SS18: variants seen among roughly 807,000 people sequenced by gnomAD.
SS18 encodes the protein protein SSXT.
In SS18, 28 loss-of-function variants were observed where a neutral mutation model predicts 72.5. The ratio of observed to expected loss-of-function variants is 0.39; its 90% CI spans 0.29 to 0.53. SS18 has a LOEUF of 0.53. SS18 is among the 20% of genes least tolerant of loss of function. SS18 has a pLI of 0.76. For synonymous variants in SS18, 172 were observed against 164.2 expected (o/e 1.05, Z -0.37); for missense variants, 518 against 535.3 (o/e 0.97, Z 0.32).
intron 5 of SS18, among the ~76,000 whole-genome samples, chr18:26,048,694 G>A (rs2053872086): frequency 6.6e-6 from 1 of 152,106 alleles, no homozygotes; most frequent in Non-Finnish European, 1.5e-5. Context: ...TCAAGCCTCT[G>A]GGTCAGTCTA....
chr18:26,016,646 C>G lies in SS18; in HGVS notation c.*1708G>C, dbSNP rs1303544101. On this transcript the variant is annotated 3_prime_UTR_variant, in exon 11 of 11. Coordinates refer to ENST00000415083, the MANE Select transcript of SS18 (RefSeq NM_001007559.3). The stretch of plus-strand genomic sequence containing the variant: ...GCTGAGGCAGGAGAACTGCTTGAAC[C>G]TGGGAGGCGGAGGTTGCAGTGAGCT... 1 of 187,486 alleles carries G rather than the reference C, an allele frequency of 5.3e-6. No homozygotes were observed. The highest frequency in any genetic ancestry group is 2.3e-5 in the African/African-American group (1 of 42,708). The allele number at this position is 187,486 out of a possible 1,614,324, so 11.6% of individuals were successfully genotyped here.
intron 4 of SS18, 114 bp downstream of exon 4, chr18:26,057,475 C>T (rs2054041656): frequency 2.5e-6 from 3 of 1,221,528 alleles, no homozygotes; most frequent in African/African-American, 1.5e-5. Flanking sequence ...AGAGCTTGTA[C>T]TCGGGGGCAT....
intron 4 of SS18, among the ~76,000 whole-genome samples, chr18:26,056,626 AC>A (rs34934089): frequency 0.055 from 8,403 of 152,264 alleles, 268 homozygotes; most frequent in East Asian, 0.13. Context: ...ATCCTTGGAC[AC>A]CAATGCTATC....
In SS18 at chr18:26,078,069, T is replaced by TA; in HGVS notation, c.231+6dup. The TA allele has an allele frequency of 6.3e-7, 1 of 1,596,062 alleles. No homozygotes were observed. ...TGTCTACTTCACATGATTTTAAAGA[T>TA]ACTTACTGCTGGTAAAAGAGACTGC... On this transcript the variant is annotated splice_region_variant and intron_variant, in intron 3 of 10. Coordinates refer to ENST00000415083, the MANE Select transcript of SS18 (RefSeq NM_001007559.3).
chr18:26,041,161 A>G (rs2143899241), intron 5 of SS18, among the ~76,000 whole-genome samples: 1 of 152,294 alleles, frequency 6.6e-6, no homozygotes, highest in Non-Finnish European at 1.5e-5. Flanking sequence ...GGTGGCTCAC[A>G]CCTGTAATCC....
chr18:26,033,751 G>C (rs2053583275), intron 9 of SS18, among the ~76,000 whole-genome samples: 1 of 151,844 alleles, frequency 6.6e-6, no homozygotes, highest in Non-Finnish European at 1.5e-5. Flanking sequence ...AAACAAAATA[G>C]AAATTTCTCT....
At chr18:26,038,460 A>T (rs1287927481) in intron 7 of SS18, 95 bp downstream of exon 7, 2 of 1,101,128 alleles carry the variant, frequency 1.8e-6, no homozygotes, top group Non-Finnish European at 2.7e-6. Flanking sequence ...ACAAATTGTT[A>T]GTTTCTTCGT....
At chr18:26,060,530 T>C (rs912596132) in intron 3 of SS18, among the ~76,000 whole-genome samples, 1 of 151,808 alleles carries the variant, frequency 6.6e-6, no homozygotes, top group African/African-American at 2.4e-5. Flanking sequence ...TTAAAATGGT[T>C]AAAATGGTAA....
At chr18:26,082,845 A>G (rs979313568) in intron 2 of SS18, among the ~76,000 whole-genome samples, 7 of 152,216 alleles carry the variant, frequency 4.6e-5, no homozygotes, top group African/African-American at 1.7e-4. Context: ...TAATTTGCAC[A>G]TACTGCTTTC....
intron 10 of SS18, among the ~76,000 whole-genome samples, chr18:26,029,646 T>G (rs77212566): frequency 0.021 from 3,170 of 152,286 alleles, 48 homozygotes; most frequent in Non-Finnish European, 0.034. Flanking sequence ...CAAGGACCGA[T>G]GGGGAAGTAT....
At position 26,039,437 on chromosome 18, in the gene SS18, C is replaced by G; in HGVS notation, c.627G>C (p.Gln209His). 9 of 1,613,530 alleles carry G rather than the reference C, an allele frequency of 5.6e-6. No individual in the cohort carries two copies. The highest frequency in any genetic ancestry group is 2.2e-5 in the South Asian group (2 of 91,034). The change falls in exon 6 of 11, where the codon CAG (glutamine) becomes CAC (histidine). Residue 209 changes from glutamine to histidine, a missense_variant. By Grantham distance (24) the Gln-to-His change is conservative. Coordinates refer to ENST00000415083, the MANE Select transcript of SS18 (RefSeq NM_001007559.3). ...GCATATTGTATTGCTGAGAAGGAGGCTGCTGATGCATCATTGGACCTGAAA... is the reference window on the plus strand; with the variant it reads ...GCATATTGTATTGCTGAGAAGGAGGGTGCTGATGCATCATTGGACCTGAAA... ...QPNQGPMMHQQPPSQQYNMPQ... is the reference protein window; with the variant it reads ...QPNQGPMMHQHPPSQQYNMPQ...
intron 2 of SS18, among the ~76,000 whole-genome samples, chr18:26,079,528 T>C (rs1320249900): frequency 6.6e-6 from 1 of 152,222 alleles, no homozygotes; most frequent in Non-Finnish European, 1.5e-5. Flanking sequence ...ATTAATTCAT[T>C]TTCTAAAATA....
At chr18:26,080,266 T>A (rs2144152014) in intron 2 of SS18, 3 of 898,556 alleles carry the variant, frequency 3.3e-6, no homozygotes, top group South Asian at 5.1e-5. Flanking sequence ...TGCCATTTTT[T>A]AAAAAACCAA....
chr18:26,057,470 T>TGTAC, intron 4 of SS18, 119 bp downstream of exon 4: 1 of 1,160,410 alleles, frequency 8.6e-7, no homozygotes, highest in South Asian at 1.4e-5. Context: ...CTAAGAGAGC[T>TGTAC]TGTACTCGGG....
intron 10 of SS18, among the ~76,000 whole-genome samples, chr18:26,019,315 A>T (rs149604101): frequency 1.3e-5 from 2 of 152,332 alleles, no homozygotes; most frequent in East Asian, 3.9e-4. Context: ...CTGGAAGCAT[A>T]TAATTAGTTA....
At chr18:26,044,640 A>C (rs1324273524) in intron 5 of SS18, among the ~76,000 whole-genome samples, 2 of 152,004 alleles carry the variant, frequency 1.3e-5, no homozygotes, top group African/African-American at 4.8e-5. Flanking sequence ...TTTCAAATTT[A>C]ACATCAGTTA....
chr18:26,080,235 A>G, intron 2 of SS18: 1 of 522,150 alleles, frequency 1.9e-6, no homozygotes, highest in African/African-American at 2.1e-5. Context: ...GAAGGAACTT[A>G]AAATATAGTG....
At chr18:26,050,202 T>C (rs1456431203) in intron 5 of SS18, among the ~76,000 whole-genome samples, 1 of 150,022 alleles carries the variant, frequency 6.7e-6, no homozygotes, top group Non-Finnish European at 1.5e-5. Context: ...ACTTCTGCAC[T>C]CCAGCCTGGG....
chr18:26,026,833 C>T (rs2053454140), intron 10 of SS18, among the ~76,000 whole-genome samples: 1 of 151,926 alleles, frequency 6.6e-6, no homozygotes, highest in South Asian at 2.1e-4. Flanking sequence ...TTTGTATATA[C>T]TAGCAACTAA....
Sources: gnomAD v4.1 joint callset for allele counts (sites outside exome capture counted in the v4.1 genomes callset) on GRCh38, gnomAD v4.1.1 for gene constraint, MANE v1.5 for transcripts, NCBI Gene and HGNC (gene_info 2026-07-23, HGNC 2026-07-21) for gene names.